Variants in ATXN7L1 observed in about 807,000 individuals in gnomAD.
ATXN7L1 encodes the protein ataxin 7 like 1, also known as ataxin-7-like protein 1.
ATXN7L1 carries 15 observed loss-of-function variants against 70.8 expected under a neutral mutation model. The observed-to-expected ratio is 0.21, with a 90% CI of 0.14 to 0.33. The LOEUF is 0.33. ATXN7L1 is among the 10% of genes least tolerant of loss of function. The probability of loss-of-function intolerance (pLI) is 1.00; values close to 1 mark genes in which losing one functional copy is unlikely to be tolerated. For missense variants in ATXN7L1, 975 were observed against 1,097.1 expected (o/e 0.89, Z 1.57); for synonymous variants, 440 against 445.1 (o/e 0.99, Z 0.14).
At chr7:105,754,330 C>A (rs943033025) in intron 3 of ATXN7L1, among the ~76,000 whole-genome samples, 1 of 152,224 alleles carries the variant, frequency 6.6e-6, no homozygotes, top group African/African-American at 2.4e-5. Context: ...TCTGCACTAT[C>A]TCTTTTGCTT....
At chr7:105,630,708 C>T (rs1011281476) in intron 7 of ATXN7L1, among the ~76,000 whole-genome samples, 1 of 133,176 alleles carries the variant, frequency 7.5e-6, no homozygotes, top group African/African-American at 2.8e-5. Flanking sequence ...CAGAGTGAGA[C>T]CCTGTCTCAA....
chr7:105,761,079 G>T lies in ATXN7L1; in HGVS notation c.355+27525C>A, dbSNP rs889400014. ...GAATGAATTGTAGAGGAGCAAGAGT[G>T]GAAGCAGGAACAGCTGGAAGGCTTT... On this transcript the variant is annotated intron_variant, in intron 3 of 11. Coordinates refer to ENST00000419735, the MANE Select transcript of ATXN7L1 (RefSeq NM_020725.2). 1.3e-5 allele frequency: 11 copies of T among 859,900 alleles called. No homozygotes were observed. In the African/African-American group the frequency reaches 2.0e-4, roughly 15 times the overall value. The allele number at this position is 859,900 out of a possible 1,614,324, so 53.3% of individuals were successfully genotyped here. A position where few individuals can be genotyped will look rare whatever the true frequency, so the allele number is the denominator to read the frequency against.
chr7:105,705,460 C>T (rs770653421), intron 3 of ATXN7L1, among the ~76,000 whole-genome samples: 17 of 152,162 alleles, frequency 1.1e-4, no homozygotes, highest in Non-Finnish European at 1.9e-4. Context: ...AATATATAAG[C>T]CTGCCTTCCG....
At chr7:105,850,929 A>T (rs1387163853) in intron 2 of ATXN7L1, among the ~76,000 whole-genome samples, 1 of 152,098 alleles carries the variant, frequency 6.6e-6, no homozygotes, top group Non-Finnish European at 1.5e-5. Context: ...AGGATATGTC[A>T]CTTCAGTTCT....
At chr7:105,642,574 C>T (rs767658437) in intron 5 of ATXN7L1, among the ~76,000 whole-genome samples, 5 of 152,252 alleles carry the variant, frequency 3.3e-5, no homozygotes, top group Non-Finnish European at 5.9e-5. Flanking sequence ...CAGAGTAGGT[C>T]GGTGCAGAGC....
intron 4 of ATXN7L1, among the ~76,000 whole-genome samples, chr7:105,654,672 A>C (rs539536461): frequency 6.6e-6 from 1 of 152,326 alleles, no homozygotes; most frequent in East Asian, 1.9e-4. Context: ...TCTAAAAATC[A>C]TAATGAGCTA....
At chr7:105,722,560 TAAAAAAAA>T (rs56228890) in intron 3 of ATXN7L1, among the ~76,000 whole-genome samples, 209 of 20,826 alleles carry the variant, frequency 0.01, 1 homozygote, top group Non-Finnish European at 0.014. Flanking sequence ...GACTCTGCCT[TAAAAAAAA>T]AAAAAAAAAA....
chr7:105,740,784 T>TTTTTTTTTCTTTTTTTTTTTTG (rs556048408), intron 3 of ATXN7L1, among the ~76,000 whole-genome samples: 1 of 77,924 alleles, frequency 1.3e-5, no homozygotes, highest in Non-Finnish European at 2.3e-5. Context: ...TTTTTTTTTT[T>TTTTTTTTTCTTTTTTTTTTTTG]AATGGAGTCT....
At chr7:105,801,132 C>T (rs562791413) in intron 2 of ATXN7L1, among the ~76,000 whole-genome samples, 1 of 152,226 alleles carries the variant, frequency 6.6e-6, no homozygotes, top group African/African-American at 2.4e-5. Flanking sequence ...ACTTGGGATG[C>T]TGTCAATACA....
At chr7:105,617,120 G>C (rs1367500114) in intron 9 of ATXN7L1, among the ~76,000 whole-genome samples, 1 of 151,914 alleles carries the variant, frequency 6.6e-6, no homozygotes, top group South Asian at 2.1e-4. Context: ...TCCGCCTCCC[G>C]GGTTCACGCC....
chr7:105,840,158 C>CA lies in ATXN7L1; in HGVS notation c.250+35653dup, dbSNP rs201192564. ...AGGGCCACAGTGAGGGGCTGTATGC[C>CA]AACTTCACCCAGCAGACCCCAGGGA... On this transcript the variant is annotated intron_variant, in intron 2 of 11. Coordinates refer to ENST00000419735, the MANE Select transcript of ATXN7L1 (RefSeq NM_020725.2). Among the ~76,000 whole-genome samples the CA allele has an allele frequency of 7.2e-4, 109 of 152,328 alleles. 2 individuals are homozygous for CA. The East Asian group carries it at 0.017, about 24-fold the overall frequency.
At chr7:105,713,161 C>G (rs1794131208) in intron 3 of ATXN7L1, among the ~76,000 whole-genome samples, 2 of 152,182 alleles carry the variant, frequency 1.3e-5, no homozygotes, top group African/African-American at 4.8e-5. Context: ...AACTCACTTG[C>G]TATCACGAGA....
Position 105,642,947 on chromosome 7 carries a change from T to C in ATXN7L1, c.753A>G (p.Pro251=), listed in dbSNP as rs929551123. The C allele has an allele frequency of 2.8e-5, 43 of 1,551,542 alleles. No individual in the cohort carries two copies. In the East Asian group the frequency reaches 9.8e-4, roughly 35 times the overall value. Residue 251 remains proline, a synonymous_variant, in exon 5 of 12, where the codon CCA becomes CCG. Transcript: ENST00000419735. ...CATTTAAGATCTTCTCTGGTGAAGG[T>C]GGCACTGACTTGGACATCAGGACAG... ...IKPVLMSKSV[P]PSPEKILNGK... is the part of the protein sequence containing the mutation.
intron 3 of ATXN7L1, among the ~76,000 whole-genome samples, chr7:105,738,603 G>A (rs1797673129): frequency 6.6e-6 from 1 of 152,116 alleles, no homozygotes; most frequent in South Asian, 2.1e-4. Context: ...TGTAATTGGG[G>A]AAATTGACGA....
intron 2 of ATXN7L1, among the ~76,000 whole-genome samples, chr7:105,818,892 C>G (rs907840467): frequency 4.1e-5 from 5 of 122,294 alleles, no homozygotes; most frequent in African/African-American, 1.4e-4. Flanking sequence ...CTACCCACTG[C>G]ATTTTTTTTT....
intron 3 of ATXN7L1, chr7:105,761,378 T>C: frequency 6.2e-7 from 1 of 1,614,098 alleles, no homozygotes. Flanking sequence ...TTTTCCATTC[T>C]CACACCTGAT....
intron 5 of ATXN7L1, among the ~76,000 whole-genome samples, chr7:105,642,391 G>A (rs573919411): frequency 1.1e-4 from 17 of 152,354 alleles, no homozygotes; most frequent in African/African-American, 3.8e-4. Flanking sequence ...GTGTGTCCCT[G>A]TGCAGCACAG....
chr7:105,614,264 C>T lies in ATXN7L1; in HGVS notation c.2070G>A (p.Gln690=). 1 of 1,551,772 alleles carries T rather than the reference C, an allele frequency of 6.4e-7. No individual in the cohort carries two copies. Among genetic ancestry groups the T allele is most frequent in the Middle Eastern group, 1.7e-4 (1 of 5,984 alleles). ...LNASSALNSY[Q]AAPPYNSLSV... ...ACAGGCTGTTATAGGGAGGGGCCGC[C>T]TGATAGGAGTTCAAAGCAGAACTGG... is the stretch of plus-strand genomic sequence containing the variant. The change falls in exon 10 of 12, where the codon CAG becomes CAA. Residue 690 remains glutamine, a synonymous_variant. Transcript: ENST00000419735. This position sits in a 1 kb window ranked among gnomAD's most constrained non-coding sequence, Gnocchi z 4.3.
intron 2 of ATXN7L1, among the ~76,000 whole-genome samples, chr7:105,814,276 C>T (rs556991913): frequency 4.6e-5 from 7 of 152,332 alleles, no homozygotes; most frequent in Admixed American, 1.3e-4. Flanking sequence ...ACTATCCTCA[C>T]TCCAGTGAGC....
Sources: gnomAD v4.1 joint callset for allele counts (sites outside exome capture counted in the v4.1 genomes callset) on GRCh38, gnomAD v4.1.1 for gene constraint, Gnocchi (gnomAD v3.1) non-coding constraint, MANE v1.5 for transcripts, NCBI Gene and HGNC (gene_info 2026-07-23, HGNC 2026-07-21) for gene names.